The following PAN3 variants were observed in gnomAD, a reference collection of about 807,000 sequenced individuals.
The protein encoded by PAN3 is poly(A) specific ribonuclease subunit PAN3, also known as PAN2-PAN3 deadenylation complex subunit PAN3.
A neutral mutation model predicts 96.2 loss-of-function variants in PAN3; 19 were observed. The observed-to-expected ratio is 0.20, with a 90% CI of 0.14 to 0.29. The LOEUF (loss-of-function observed/expected upper bound fraction) is 0.29, where lower values mean the gene tolerates loss of function less well. Ranked by LOEUF, PAN3 falls within the 10% of genes least tolerant of loss-of-function variation. The pLI, the probability that PAN3 is intolerant of heterozygous loss-of-function variation, is 1.00. For synonymous variants in PAN3, 433 were observed against 406.6 expected (o/e 1.06, Z -0.78); for missense variants, 882 against 1,108.1 (o/e 0.80, Z 2.90).
chr13:28,255,660 T>C (rs1168937365), intron 6 of PAN3, among the ~76,000 whole-genome samples: 1 of 152,134 alleles, frequency 6.6e-6, no homozygotes. Flanking sequence ...AGAGTATGCC[T>C]GTTTAGAGTT....
At chr13:28,157,901 A>G (rs1052616973) in intron 1 of PAN3, among the ~76,000 whole-genome samples, 9 of 152,258 alleles carry the variant, frequency 5.9e-5, no homozygotes, top group Non-Finnish European at 8.8e-5. Flanking sequence ...AGCCAAAGCA[A>G]TCCTACACAA....
chr13:28,292,382 C>G lies in PAN3; in HGVS notation c.2524C>G (p.Leu842Val). 1 of 1,602,632 alleles carries G rather than the reference C, an allele frequency of 6.2e-7. No individual in the cohort carries two copies. The highest frequency in any genetic ancestry group is 8.5e-7 in the Non-Finnish European group (1 of 1,175,000). ...ATATTTTGTGTATATATTGTTTCAG[C>G]TAGATGCTGGTGTGCCAGAAAAAAT... ...LSHIISCLNK[L>V]DAGVPEKISL... Residue 842 changes from leucine (L) to valine (V), a missense_variant and splice_region_variant, in exon 19 of 19, where the codon CTA becomes GTA. Around this residue, in one of 3 missense-constraint regions of PAN3, gnomAD observed 76 missense variants for 171.7 expected, o/e 0.44. Coordinates refer to ENST00000380958, the MANE Select transcript of PAN3 (RefSeq NM_175854.8).
At chr13:28,144,203 G>GTTT (rs1447465484) in intron 1 of PAN3, among the ~76,000 whole-genome samples, 18 of 129,006 alleles carry the variant, frequency 1.4e-4, no homozygotes, top group African/African-American at 5.5e-4. Context: ...GTTTCGATAA[G>GTTT]TTTTTTTGTT....
intron 7 of PAN3, among the ~76,000 whole-genome samples, chr13:28,259,887 C>T (rs185540966): frequency 3.2e-4 from 49 of 152,158 alleles, no homozygotes; most frequent in African/African-American, 1.1e-3. Context: ...ATCTGCCCAC[C>T]TCAGCCTCCC....
chr13:28,225,570 G>A (rs2138409656), intron 6 of PAN3, among the ~76,000 whole-genome samples: 1 of 152,264 alleles, frequency 6.6e-6, no homozygotes, highest in East Asian at 1.9e-4. Context: ...CTGACAGATT[G>A]TCATCTAGTC....
chr13:28,176,573 C>T lies in PAN3; in HGVS notation c.619+14C>T, dbSNP rs1875038443. On this transcript the variant is annotated intron_variant, in intron 3 of 18. Coordinates refer to ENST00000380958, the MANE Select transcript of PAN3 (RefSeq NM_175854.8). ...ATTCAGCCCATGGTAAGACCTGATC[C>T]CTTTTGCTTATGTGTGTCTGTGTAT... The T allele has an allele frequency of 6.2e-7, 1 of 1,609,592 alleles. No homozygotes were observed. The highest frequency in any genetic ancestry group is 8.5e-7 in the Non-Finnish European group (1 of 1,176,058).
intron 1 of PAN3, among the ~76,000 whole-genome samples, chr13:28,139,868 G>T (rs1183677290): frequency 6.6e-6 from 1 of 152,138 alleles, no homozygotes; most frequent in African/African-American, 2.4e-5. Flanking sequence ...GTCATGTGCA[G>T]CCTGCGTTTA....
intron 6 of PAN3, among the ~76,000 whole-genome samples, 180 bp downstream of exon 6, chr13:28,220,558 T>C (rs1268386120): frequency 1.3e-5 from 2 of 152,142 alleles, no homozygotes; most frequent in Non-Finnish European, 2.9e-5. Context: ...TAAAGCAAAA[T>C]TTAAATATGA....
intron 4 of PAN3, among the ~76,000 whole-genome samples, chr13:28,189,072 T>C (rs558479261): frequency 6.6e-6 from 1 of 152,330 alleles, no homozygotes; most frequent in South Asian, 2.1e-4. Flanking sequence ...CTTCTGTTCT[T>C]TCCTTTGACA....
intron 1 of PAN3, among the ~76,000 whole-genome samples, chr13:28,141,734 A>G (rs879290994): frequency 2.2e-4 from 34 of 152,160 alleles, no homozygotes; most frequent in Admixed American, 1.2e-3. Flanking sequence ...CCTAGGGATT[A>G]CTGGCGGGAG....
chr13:28,156,611 GAA>G (rs1872198868), intron 1 of PAN3, among the ~76,000 whole-genome samples: 1 of 152,096 alleles, frequency 6.6e-6, no homozygotes, highest in African/African-American at 2.4e-5. Context: ...AACAAAAAAC[GAA>G]AACTTCAGGC....
At chr13:28,169,206 ATTTTTTTTTTGTTTGCTTTTTTTTTT>A (rs1430926320) in intron 1 of PAN3, among the ~76,000 whole-genome samples, 7 of 88,932 alleles carry the variant, frequency 7.9e-5, no homozygotes, top group Non-Finnish European at 1.3e-4. Flanking sequence ...GCATTTTCTC[ATTTTTTTTTTGTTTGCTTTTTTTTTT>A]TTTTTTTTTT....
chr13:28,274,520 T>G (rs1440258859), intron 14 of PAN3, among the ~76,000 whole-genome samples: 1 of 150,844 alleles, frequency 6.6e-6, no homozygotes, highest in Non-Finnish European at 1.5e-5. Flanking sequence ...CTGCACACGC[T>G]CCTCATTCTT....
rs374698757 is a variant in PAN3 at position 28,270,769 on chromosome 13, A to G, written c.1861A>G (p.Ile621Val). Residue 621 changes from isoleucine (I) to valine (V), a missense_variant, in exon 13 of 19, where the codon ATT becomes GTT. By Grantham distance (29) the Ile-to-Val change is conservative. Around this residue, in one of 3 missense-constraint regions of PAN3, gnomAD observed 364 missense variants for 513.6 expected, o/e 0.71. Transcript: ENST00000380958. Reference sequence around the variant, plus strand: ...GCCAGAATCTCTTATTTGGGCATATATTGTCCAACTAAGTTCTGCATTGCG... The same window carrying G: ...GCCAGAATCTCTTATTTGGGCATATGTTGTCCAACTAAGTTCTGCATTGCG... ...LLPESLIWAYIVQLSSALRTI... is the reference protein window; with the variant it reads ...LLPESLIWAYVVQLSSALRTI... 2 of 1,613,854 alleles carry G rather than the reference A, an allele frequency of 1.2e-6. No homozygotes were observed. Among genetic ancestry groups the G allele is most frequent in the East Asian group, 2.2e-5 (1 of 44,888 alleles).
At chr13:28,286,976 C>T (rs766724568) in intron 17 of PAN3, among the ~76,000 whole-genome samples, 5 of 152,074 alleles carry the variant, frequency 3.3e-5, no homozygotes, top group Non-Finnish European at 7.4e-5. Flanking sequence ...TTTTCTTCCC[C>T]CCATCCCCCA....
chr13:28,249,729 C>T lies in PAN3; in HGVS notation c.1001-6563C>T, dbSNP rs189035998. ...CCTCCCAAAGTGTAGGGATTACAGGCGTGAGCCACCGCGCCCGGCCAATAA... is the reference window on the plus strand; with the variant it reads ...CCTCCCAAAGTGTAGGGATTACAGGTGTGAGCCACCGCGCCCGGCCAATAA... On this transcript the variant is annotated intron_variant, in intron 6 of 18. Transcript: ENST00000380958. 1.2e-3 allele frequency among the ~76,000 whole-genome samples: 183 copies of T among 152,260 alleles called. 4 individuals carry two copies. The highest frequency in any genetic ancestry group is 3.5e-4 in the Non-Finnish European group (24 of 68,018).
chr13:28,284,264 T>C (rs900172739), intron 17 of PAN3, among the ~76,000 whole-genome samples: 1 of 152,228 alleles, frequency 6.6e-6, no homozygotes, highest in Non-Finnish European at 1.5e-5. Flanking sequence ...TGTTTTATGC[T>C]ATTGATCCAT....
At chr13:28,227,202 G>T (rs1022982073) in intron 6 of PAN3, among the ~76,000 whole-genome samples, 2 of 152,172 alleles carry the variant, frequency 1.3e-5, no homozygotes, top group African/African-American at 2.4e-5. Flanking sequence ...CGTTTATGGC[G>T]CAGAGAGGGA....
In PAN3 at chr13:28,282,012, G is replaced by T. The variant is rs145319810; in HGVS notation, c.2384+633G>T. On this transcript the variant is annotated intron_variant, in intron 17 of 18. Transcript: ENST00000380958. ...TCTGGTCTTGAACTCCTGACTTCAG[G>T]TGATCCACCTGCCTTGGCCTCCCAA... 7.8e-4 allele frequency among the ~76,000 whole-genome samples: 118 copies of T among 152,222 alleles called. No homozygotes were observed. The East Asian group carries it at 0.02, about 26-fold the overall frequency.
Sources: allele counts gnomAD v4.1 joint callset (sites outside exome capture counted in the v4.1 genomes callset), GRCh38; gene constraint gnomAD v4.1.1; regional missense constraint gnomAD v4.1.1; transcripts MANE v1.5; gene names NCBI Gene and HGNC (gene_info 2026-07-23, HGNC 2026-07-21).